Variants in SYTL2 observed in about 807,000 individuals in gnomAD.
SYTL2 encodes synaptotagmin-like protein 2.
Under a neutral mutation model 198.7 loss-of-function variants are expected in SYTL2, and 165 were observed. The observed-to-expected ratio is 0.83, with a 90% CI of 0.73 to 0.94. The LOEUF (loss-of-function observed/expected upper bound fraction) is 0.94. Ranked by LOEUF, SYTL2 falls within the 40% of genes least tolerant of loss-of-function variation. The pLI is 0.00. For missense variants in SYTL2, 2,835 were observed against 2,582.8 expected, an observed-to-expected ratio of 1.10 and a Z score of -2.12; for synonymous variants, 966 against 917.7, an observed-to-expected ratio of 1.05 and a Z score of -0.95.
chr11:85,704,809 G>T (rs775188155), intron 16 of SYTL2, 49 bp downstream of exon 16: 2 of 1,522,888 alleles, frequency 1.3e-6, no homozygotes, highest in Non-Finnish European at 1.8e-6. Flanking sequence ...CTATACACTA[G>T]GTACCACATC....
chr11:85,808,901 C>G (rs1383090764), intron 1 of SYTL2, among the ~76,000 whole-genome samples: 2 of 149,172 alleles, frequency 1.3e-5, no homozygotes. Flanking sequence ...AAAAAAAAAG[C>G]CACATTTTTC....
chr11:85,697,490 A>T (rs934316441), intron 18 of SYTL2, among the ~76,000 whole-genome samples: 27 of 152,226 alleles, frequency 1.8e-4, no homozygotes, highest in African/African-American at 6.5e-4. Context: ...CAGAGAGAAG[A>T]GTTTGCCACT....
chr11:85,781,959 G>A (rs1170654767), intron 1 of SYTL2, among the ~76,000 whole-genome samples: 1 of 152,196 alleles, frequency 6.6e-6, no homozygotes, highest in Admixed American at 6.5e-5. Context: ...CTACCATTCT[G>A]GGGTCTGGAG....
At chr11:85,803,912 C>T (rs1004788634) in intron 1 of SYTL2, among the ~76,000 whole-genome samples, 8 of 152,198 alleles carry the variant, frequency 5.3e-5, no homozygotes, top group Non-Finnish European at 1.2e-4. Context: ...ACAGAGTATG[C>T]ACTAGATAGA....
intron 2 of SYTL2, among the ~76,000 whole-genome samples, chr11:85,752,228 G>A (rs541372485): frequency 6.6e-6 from 1 of 152,140 alleles, no homozygotes; most frequent in African/African-American, 2.4e-5. Context: ...TTTTCATCTT[G>A]CCCAGAATAT....
chr11:85,771,975 TC>T (rs1237973114), intron 1 of SYTL2, among the ~76,000 whole-genome samples: 1 of 152,196 alleles, frequency 6.6e-6, no homozygotes, highest in Non-Finnish European at 1.5e-5. Context: ...CAATCTCAGC[TC>T]ACTGCAAACT....
intron 11 of SYTL2, chr11:85,714,764 A>G (rs1227386194): frequency 1.3e-5 from 12 of 939,736 alleles, no homozygotes; most frequent in Non-Finnish European, 1.6e-5. Context: ...TTTTTATTGA[A>G]CTGGAGCTGC....
chr11:85,695,181 A>C lies in SYTL2; in HGVS notation c.*14T>G. 1.2e-6 allele frequency: 2 copies of C among 1,608,034 alleles called. No individual in the cohort carries two copies. Among genetic ancestry groups the C allele is most frequent in the South Asian group, 1.1e-5 (1 of 90,260 alleles). ...TTTAGTAGTTTTCAGTGGAGGAGCCAGTGGAATTTGGGCTCATTTGGAAAT... is the reference window on the plus strand; with the variant it reads ...TTTAGTAGTTTTCAGTGGAGGAGCCCGTGGAATTTGGGCTCATTTGGAAAT... On this transcript the variant is annotated 3_prime_UTR_variant, in exon 20 of 20. Transcript: ENST00000359152.
intron 1 of SYTL2, among the ~76,000 whole-genome samples, chr11:85,777,980 G>A (rs939529990): frequency 2.0e-5 from 3 of 151,708 alleles, no homozygotes; most frequent in Admixed American, 2.0e-4. Flanking sequence ...CCACCATGCA[G>A]GCTACTTTTT....
At chr11:85,825,970 G>A in the SYTL2 span, among the ~76,000 whole-genome samples, 2 of 152,224 alleles carry the variant, frequency 1.3e-5, no homozygotes, top group African/African-American at 4.8e-5. Context: ...GCCACGGAGA[G>A]AAAGAGTGTT....
intron 13 of SYTL2, among the ~76,000 whole-genome samples, chr11:85,709,889 G>A (rs972260372): frequency 6.6e-6 from 1 of 152,166 alleles, no homozygotes; most frequent in African/African-American, 2.4e-5. Flanking sequence ...CACCAGGTTA[G>A]CCAGGCTGGT....
chr11:85,734,502 C>A lies in SYTL2; in HGVS notation c.827G>T (p.Arg276Leu), dbSNP rs778754109. The part of the protein sequence containing the change: ...ARGAPRGILK[R>L]NSSSSSTDSE... ...GTCTGTGCTACTGGAACTGGAGTTG[C>A]GCTTGAGGATCCCTCTCGGAGCCCC... Residue 276 changes from arginine (R) to leucine (L), a missense_variant, in exon 7 of 20, where the codon CGC becomes CTC. Arg to Leu is a moderately radical substitution (Grantham distance 102). This residue lies in a region of SYTL2 where 2,645 missense variants were observed against 2,381.7 expected (regional missense o/e 1.11). Transcript: ENST00000359152. 2.4e-5 allele frequency: 39 copies of A among 1,614,050 alleles called. No individual in the cohort carries two copies. The highest frequency in any genetic ancestry group is 3.3e-4 in the Middle Eastern group (2 of 6,084).
the SYTL2 span, among the ~76,000 whole-genome samples, chr11:85,828,468 T>C: frequency 6.6e-6 from 1 of 152,338 alleles, no homozygotes; most frequent in Admixed American, 6.5e-5. Flanking sequence ...AAACAGGTTT[T>C]TAATTAAAAA....
At position 85,724,108 on chromosome 11, in the gene SYTL2, T is replaced by G. The variant is rs775597098; in HGVS notation, c.5250A>C (p.Glu1750Asp). 6.3e-7 allele frequency: 1 copy of G among 1,585,082 alleles called. No individual in the cohort carries two copies. The highest frequency in any genetic ancestry group is 1.2e-5 in the South Asian group (1 of 84,848). Residue 1750 changes from glutamate to aspartate, a missense_variant, in exon 8 of 20, where the codon GAA (glutamate) becomes GAC (aspartate). Glu to Asp is a conservative substitution (Grantham distance 45). Coordinates refer to ENST00000359152, the MANE Select transcript of SYTL2 (RefSeq NM_206927.4). Reference sequence around the variant, plus strand: ...AATCAGACTCAGAGAAACCTTCTTTTTCTTCCTCTTTCTCTTGTTTCATAT... The same window carrying G: ...AATCAGACTCAGAGAAACCTTCTTTGTCTTCCTCTTTCTCTTGTTTCATAT... ...SPYMKQEKEEEKEGFSESDFS... is the reference protein window; with the variant it reads ...SPYMKQEKEEDKEGFSESDFS...
At position 85,726,731 on chromosome 11, in the gene SYTL2, TTA is replaced by T. The variant is rs2089234317; in HGVS notation, c.2625_2626del (p.Asn875LysfsTer3). ...TATTTGTGGCTTGGTCTCTTTAGAT[TTA>T]TTTGAGGAATAAGAATTGGAGAGCT... On this transcript the variant is annotated frameshift_variant, in exon 8 of 20. Transcript: ENST00000359152. LOFTEE classifies it high-confidence loss of function. The T allele has an allele frequency of 2.3e-5, 35 of 1,536,048 alleles. No homozygotes were observed. The highest frequency in any genetic ancestry group is 2.9e-5 in the Non-Finnish European group (33 of 1,146,918).
Position 85,724,855 on chromosome 11 carries a change from T to C in SYTL2, c.4503A>G (p.Leu1501=), listed in dbSNP as rs780635433. The change falls in exon 8 of 20, where the codon TTA becomes TTG. Residue 1501 remains leucine (L), a synonymous_variant. Transcript: ENST00000359152. ...CAGTTTCTTCCTTCAGTAGTTTTTC[T>C]AAGCCAGCACTGAATTCGAGGAACT... ...KSEFLEFSAG[L]EKLLKEETET... is the part of the protein sequence containing the mutation. The C allele has an allele frequency of 3.5e-5, 56 of 1,613,716 alleles. No homozygotes were observed. In the Admixed American group the frequency reaches 9.2e-4, roughly 26 times the overall value.
the SYTL2 span, among the ~76,000 whole-genome samples, chr11:85,828,465 T>G: frequency 6.6e-6 from 1 of 152,174 alleles, no homozygotes; most frequent in Non-Finnish European, 1.5e-5. Context: ...AGTAAACAGG[T>G]TTTTAATTAA....
chr11:85,840,395 T>C, the SYTL2 span, among the ~76,000 whole-genome samples: 1 of 152,190 alleles, frequency 6.6e-6, no homozygotes, highest in Non-Finnish European at 1.5e-5. Context: ...TCCCCAATGT[T>C]TTCTTGTAGT....
chr11:85,819,379 T>G, the SYTL2 span, among the ~76,000 whole-genome samples: 2 of 152,184 alleles, frequency 1.3e-5, no homozygotes, highest in African/African-American at 2.4e-5. Flanking sequence ...CACGATTCTG[T>G]GGGTTGGATG....
Sources: allele counts gnomAD v4.1 joint callset (sites outside exome capture counted in the v4.1 genomes callset), GRCh38; gene constraint gnomAD v4.1.1; regional missense constraint gnomAD v4.1.1; transcripts MANE v1.5; gene names NCBI Gene and HGNC (gene_info 2026-07-23, HGNC 2026-07-21).